Variants in CEACAM20 observed in about 807,000 individuals in gnomAD.
CEACAM20 encodes CEA cell adhesion molecule 20, also known as cell adhesion molecule CEACAM20.
Under a neutral mutation model 61.2 loss-of-function variants are expected in CEACAM20, and 50 were observed. That is an observed-to-expected ratio of 0.82 (90% CI 0.65 to 1.03). CEACAM20 has a LOEUF of 1.03. Among genes scored for constraint, CEACAM20 ranks in the 50% least tolerant of loss-of-function variants. The pLI is 0.00. For synonymous variants in CEACAM20, 282 were observed against 287.7 expected, an observed-to-expected ratio of 0.98 and a Z score of 0.20; for missense variants, 683 against 736.4, an observed-to-expected ratio of 0.93 and a Z score of 0.84.
intron 1 of CEACAM20, 52 bp downstream of exon 1, chr19:44,529,402 CAAAT>C: frequency 6.9e-7 from 1 of 1,447,552 alleles, no homozygotes; most frequent in South Asian, 1.1e-5. Context: ...ACACCGCTGA[CAAAT>C]AGATGCATAC....
In CEACAM20 at chr19:44,522,855, A is replaced by G. The variant is rs887263323; in HGVS notation, c.530T>C (p.Val177Ala). The change falls in exon 4 of 12, where the codon GTT becomes GCT. Residue 177 changes from valine (V) to alanine (A), a missense_variant. By Grantham distance (64) the Val-to-Ala change is moderately conservative. Coordinates refer to ENST00000614924, the MANE Select transcript of CEACAM20 (RefSeq NM_001102597.3). Reference protein sequence around the residue: ...LESGVASGEVVEVMEGSSMTF... With the variant: ...LESGVASGEVAEVMEGSSMTF... ...CATGCTGGAGCCCTCCATCACCTCA[A>G]CCACCTCCCCACTGGCAACACCAGA... 3.7e-6 allele frequency: 6 copies of G among 1,610,326 alleles called. No homozygotes were observed. Among genetic ancestry groups the G allele is most frequent in the African/African-American group, 2.7e-5 (2 of 74,996 alleles).
At chr19:44,516,289 T>C (rs1599672213) in intron 6 of CEACAM20, among the ~76,000 whole-genome samples, 2 of 152,196 alleles carry the variant, frequency 1.3e-5, no homozygotes, top group East Asian at 3.9e-4. Flanking sequence ...TCTGACTCAT[T>C]GTCCTTCTAA....
In CEACAM20 at chr19:44,525,208, G is replaced by C. The variant is rs1481942642; in HGVS notation, c.89C>G (p.Ala30Gly). ...LCTVWSPPAA[A>G]QLTLNANPLD... Reference sequence around the variant, plus strand: ...TGGGTTGGCATTGAGGGTGAGCTGGGCTGCAGCTGGAGGACTCCATACGGT... The same window carrying C: ...TGGGTTGGCATTGAGGGTGAGCTGGCCTGCAGCTGGAGGACTCCATACGGT... Residue 30 changes from alanine (A) to glycine (G), a missense_variant, in exon 2 of 12, where the codon GCC (alanine) becomes GGC (glycine). By Grantham distance (60) the Ala-to-Gly change is moderately conservative. Transcript: ENST00000614924. The C allele has an allele frequency of 1.9e-6, 3 of 1,608,512 alleles. No homozygotes were observed. The highest frequency in any genetic ancestry group is 1.7e-4 in the Middle Eastern group (1 of 6,048).
intron 2 of CEACAM20, 113 bp from the exon 3 acceptor site, chr19:44,524,374 T>C (rs1971465034): frequency 8.5e-7 from 1 of 1,177,892 alleles, no homozygotes; most frequent in Admixed American, 2.4e-5. Flanking sequence ...GCCAGAAGAC[T>C]CTCTGGAGTT....
At chr19:44,520,884 A>G (rs1971344452) in intron 4 of CEACAM20, 132 bp from the exon 5 acceptor site, 1 of 877,026 alleles carries the variant, frequency 1.1e-6, no homozygotes, top group East Asian at 2.4e-5. Flanking sequence ...GGTGGTGTAT[A>G]TGATTTGCAT....
intron 10 of CEACAM20, 145 bp from the exon 11 acceptor site, chr19:44,511,300 C>T: frequency 7.4e-6 from 9 of 1,212,658 alleles, no homozygotes; most frequent in Admixed American, 2.6e-5. Context: ...GGGTTAGAAC[C>T]CAGGCCCTTG....
intron 6 of CEACAM20, among the ~76,000 whole-genome samples, chr19:44,516,558 G>A (rs1009091751): frequency 5.3e-5 from 8 of 151,982 alleles, no homozygotes; most frequent in South Asian, 2.1e-4. Flanking sequence ...CATGCCTTTC[G>A]CCTTCCACCA....
At chr19:44,507,463 A>C (rs888957155) in intron 11 of CEACAM20, among the ~76,000 whole-genome samples, 29 of 152,228 alleles carry the variant, frequency 1.9e-4, no homozygotes, top group Admixed American at 1.8e-3. Context: ...TATACTCTGA[A>C]GTTATAGAGA....
intron 10 of CEACAM20, 115 bp downstream of exon 10, chr19:44,511,522 G>A: frequency 9.3e-7 from 1 of 1,072,354 alleles, no homozygotes; most frequent in South Asian, 1.4e-5. Context: ...CCCTGGCCCT[G>A]TGATGTGCCA....
rs1555743496 is a variant in CEACAM20, at chr19:44,518,167, G to GAAGGAAGA, written c.1031-944_1031-943insTCTTCCTT. Among the ~76,000 whole-genome samples the GAAGGAAGA allele has an allele frequency of 6.9e-3, 337 of 48,602 alleles. 3 individuals carry two copies. The highest frequency in any genetic ancestry group is 0.011 in the Middle Eastern group (1 of 92). 31.9% of individuals were successfully genotyped at this position (48,602 alleles called of 152,430 possible). On this transcript the variant is annotated intron_variant, in intron 5 of 11. Transcript: ENST00000614924. ...GGAAGGAAGGAAGGAAGGAAGGAAGGAAGAAAGCAGGCAGGCAGGCAGGCA... is the reference window on the plus strand; with the variant it reads ...GGAAGGAAGGAAGGAAGGAAGGAAGGAAGGAAGAAAGAAAGCAGGCAGGCAGGCAGGCA...
At chr19:44,519,039 C>G (rs4547448) in intron 5 of CEACAM20, among the ~76,000 whole-genome samples, 57,257 of 152,026 alleles carry the variant, frequency 0.38, 12,124 homozygotes, top group East Asian at 0.62. Flanking sequence ...GTTACACTCT[C>G]TCTTGCCTCA....
chr19:44,529,583 T>G lies in CEACAM20; in HGVS notation c.-74A>C, dbSNP rs1971653202. The G allele has an allele frequency of 5.2e-6, 7 of 1,348,624 alleles. No homozygotes were observed. The highest frequency in any genetic ancestry group is 7.4e-6 in the Non-Finnish European group (7 of 946,270). The allele number at this position is 1,348,624 out of a possible 1,614,324, so 83.5% of individuals were successfully genotyped here. On this transcript the variant is annotated 5_prime_UTR_variant, in exon 1 of 12. Coordinates refer to ENST00000614924, the MANE Select transcript of CEACAM20 (RefSeq NM_001102597.3). ...TTGCACACACAGATACAGTCCTCACTCCAGGTGCAGCCCCTCCACCTCCCT... is the reference window on the plus strand; with the variant it reads ...TTGCACACACAGATACAGTCCTCACGCCAGGTGCAGCCCCTCCACCTCCCT...
At position 44,511,137 on chromosome 19, in the gene CEACAM20, T is replaced by G; in HGVS notation, c.1630A>C (p.Ser544Arg). The G allele has an allele frequency of 6.2e-7, 1 of 1,613,810 alleles. No homozygotes were observed. The change falls in exon 11 of 12, where the codon AGC becomes CGC. Residue 544 changes from serine (S) to arginine (R), a missense_variant. Ser to Arg is a moderately radical substitution (Grantham distance 110). Transcript: ENST00000614924. Reference protein sequence around the residue: ...ETYETKLPSASRRGNSFSPWK... With the variant: ...ETYETKLPSARRRGNSFSPWK... ...GGGCTGAAAGAATTGCCTCTACGGC[T>G]TGCTGAAGGCAGCTTCGTCTGCAAG... is the stretch of plus-strand genomic sequence containing the variant.
chr19:44,523,923 C>A, intron 3 of CEACAM20, 63 bp downstream of exon 3: 1 of 1,484,824 alleles, frequency 6.7e-7, no homozygotes, highest in Non-Finnish European at 9.0e-7. Flanking sequence ...AGCTGTGAGA[C>A]TGAACGAGGC....
At chr19:44,519,144 G>A (rs1373344082) in intron 5 of CEACAM20, among the ~76,000 whole-genome samples, 1 of 152,052 alleles carries the variant, frequency 6.6e-6, no homozygotes, top group East Asian at 1.9e-4. Context: ...CTCTTATGGT[G>A]GACATCCCCA....
In CEACAM20 at chr19:44,511,082, G is replaced by A. The variant is rs998170414; in HGVS notation, c.1685C>T (p.Pro562Leu). ...PWKPPPKPLM[P>L]PLRLVSTVPK... ...CACAGTGGAGACCAATCTGAGTGGG[G>A]GCATCAGAGGTTTGGGTGGTGGCTT... The change falls in exon 11 of 12, where the codon CCC becomes CTC. Residue 562 changes from proline (P) to leucine (L), a missense_variant. By Grantham distance (98) the Pro-to-Leu change is moderately conservative. Coordinates refer to ENST00000614924, the MANE Select transcript of CEACAM20 (RefSeq NM_001102597.3). 5 of 1,613,828 alleles carry A rather than the reference G, an allele frequency of 3.1e-6. No individual in the cohort carries two copies. The highest frequency in any genetic ancestry group is 3.3e-5 in the Admixed American group (2 of 60,002).
chr19:44,518,141 AG>A (rs1599676127), intron 5 of CEACAM20, among the ~76,000 whole-genome samples: 3,618 of 99,872 alleles, frequency 0.036, 204 homozygotes, highest in Non-Finnish European at 0.046. Context: ...GAAGGAAGGA[AG>A]GAAGGAAGGA....
rs1450136936 is a variant in CEACAM20 at position 44,522,615 on chromosome 19, A to G, written c.751+19T>C. 6 of 1,606,200 alleles carry G rather than the reference A, an allele frequency of 3.7e-6. No individual in the cohort carries two copies. The highest frequency in any genetic ancestry group is 5.1e-6 in the Non-Finnish European group (6 of 1,174,992). On this transcript the variant is annotated intron_variant, in intron 4 of 11. Transcript: ENST00000614924. ...ACGCTCAGAAGAATGAAGGAGAGGA[A>G]CCGGGAAAGGAGACTCACCAAGTAC...
intron 11 of CEACAM20, among the ~76,000 whole-genome samples, chr19:44,508,759 G>A (rs1970888566): frequency 6.6e-6 from 1 of 152,130 alleles, no homozygotes; most frequent in Admixed American, 6.5e-5. Context: ...GAAGCTTAGA[G>A]ACACATAAGA....
Sources: gnomAD v4.1 joint callset for allele counts (sites outside exome capture counted in the v4.1 genomes callset) on GRCh38, gnomAD v4.1.1 for gene constraint, MANE v1.5 for transcripts, NCBI Gene and HGNC (gene_info 2026-07-23, HGNC 2026-07-21) for gene names.